SPOCK1: variants seen among roughly 807,000 people sequenced by gnomAD.
SPOCK1 encodes testican-1.
In SPOCK1, 23 loss-of-function variants were observed where a neutral mutation model predicts 55.3. The observed-to-expected ratio is 0.42, with a 90% CI of 0.30 to 0.59. The LOEUF (loss-of-function observed/expected upper bound fraction) is 0.59, where lower values mean the gene tolerates loss of function less well. SPOCK1 is among the 20% of genes least tolerant of loss of function. SPOCK1 has a pLI of 0.22. For synonymous variants in SPOCK1, 226 were observed against 221.0 expected, an observed-to-expected ratio of 1.02 and a Z score of -0.20; for missense variants, 499 against 552.5, an observed-to-expected ratio of 0.90 and a Z score of 0.97.
At chr5:137,321,147 C>T (rs139194530) in intron 2 of SPOCK1, among the ~76,000 whole-genome samples, 48 of 149,496 alleles carry the variant, frequency 3.2e-4, no homozygotes, top group African/African-American at 1.1e-3. Context: ...AGAATCAGCA[C>T]ACTCAGAGAC....
At chr5:137,151,916 G>T (rs1167776385) in intron 3 of SPOCK1, among the ~76,000 whole-genome samples, 1 of 152,062 alleles carries the variant, frequency 6.6e-6, no homozygotes, top group South Asian at 2.1e-4. Flanking sequence ...TTTGGCTGTG[G>T]GTTTATAAAT....
intron 2 of SPOCK1, among the ~76,000 whole-genome samples, chr5:137,377,108 C>T (rs2127173311): frequency 6.6e-6 from 1 of 152,296 alleles, no homozygotes; most frequent in East Asian, 1.9e-4. Flanking sequence ...GATAAGCCCT[C>T]CTCCAATTTT....
intron 2 of SPOCK1, among the ~76,000 whole-genome samples, chr5:137,362,627 C>T (rs939968438): frequency 1.3e-5 from 2 of 152,172 alleles, no homozygotes; most frequent in Admixed American, 6.5e-5. Context: ...CGCGCCCGGC[C>T]AGCAAACTTT....
chr5:137,030,964 C>A (rs1424292070), intron 6 of SPOCK1, among the ~76,000 whole-genome samples: 1 of 152,138 alleles, frequency 6.6e-6, no homozygotes, highest in African/African-American at 2.4e-5. Context: ...CAAGGCACTA[C>A]CTATAAAATC....
At chr5:137,116,691 C>T (rs141774710) in intron 4 of SPOCK1, among the ~76,000 whole-genome samples, 1 of 152,150 alleles carries the variant, frequency 6.6e-6, no homozygotes, top group East Asian at 1.9e-4. Context: ...AGGGCATAGT[C>T]TATACTCCAA....
intron 6 of SPOCK1, among the ~76,000 whole-genome samples, chr5:137,037,702 C>T (rs986956687): frequency 2.6e-5 from 4 of 152,148 alleles, no homozygotes; most frequent in African/African-American, 9.6e-5. Context: ...TCATGGGAGT[C>T]GCTAACCTAA....
chr5:137,087,762 A>G (rs1752984007), intron 5 of SPOCK1, among the ~76,000 whole-genome samples: 1 of 152,240 alleles, frequency 6.6e-6, no homozygotes, highest in South Asian at 2.1e-4. Flanking sequence ...AGGTTTTAGG[A>G]AAGGTTTTCC....
At chr5:137,001,119 A>G (rs1751140935) in intron 6 of SPOCK1, among the ~76,000 whole-genome samples, 1 of 152,222 alleles carries the variant, frequency 6.6e-6, no homozygotes, top group African/African-American at 2.4e-5. Context: ...TTTAATCTTC[A>G]GTTTCCTCAT....
intron 2 of SPOCK1, among the ~76,000 whole-genome samples, chr5:137,460,000 A>G (rs533401730): frequency 1.6e-4 from 25 of 152,332 alleles, no homozygotes; most frequent in African/African-American, 6.0e-4. Context: ...AAACATGTAC[A>G]GTATGGGAAA....
At chr5:137,394,661 T>C (rs1156496962) in intron 2 of SPOCK1, among the ~76,000 whole-genome samples, 5 of 152,210 alleles carry the variant, frequency 3.3e-5, no homozygotes, top group Admixed American at 6.5e-5. Context: ...ATGCAATAAG[T>C]GCTCAATAAA....
intron 2 of SPOCK1, among the ~76,000 whole-genome samples, chr5:137,386,697 TA>T (rs1751605520): frequency 6.6e-6 from 1 of 152,128 alleles, no homozygotes; most frequent in Non-Finnish European, 1.5e-5. Flanking sequence ...TACAAAACTA[TA>T]AAACCCCTAG....
At chr5:137,112,588 T>C (rs1580756693) in intron 4 of SPOCK1, 27 bp from the exon 5 acceptor site, 2 of 1,609,418 alleles carry the variant, frequency 1.2e-6, no homozygotes. Context: ...AGGGGATAAA[T>C]TAGTTGAAGC....
intron 2 of SPOCK1, among the ~76,000 whole-genome samples, chr5:137,267,660 G>A (rs1449013955): frequency 6.6e-6 from 1 of 152,128 alleles, no homozygotes; most frequent in Non-Finnish European, 1.5e-5. Flanking sequence ...CCTGCATTTG[G>A]GTTGCATCAA....
intron 2 of SPOCK1, among the ~76,000 whole-genome samples, chr5:137,269,312 C>G (rs1002534114): frequency 6.6e-6 from 1 of 152,228 alleles, no homozygotes. Context: ...TTCTCTGCAT[C>G]TGATTGCTTT....
intron 3 of SPOCK1, among the ~76,000 whole-genome samples, chr5:137,234,378 G>A (rs1280132661): frequency 1.3e-5 from 2 of 152,130 alleles, no homozygotes; most frequent in South Asian, 2.1e-4. Flanking sequence ...GTTGGGCAAG[G>A]GGAGGATGTA....
At chr5:137,366,731 TAGG>T (rs1416034257) in intron 2 of SPOCK1, among the ~76,000 whole-genome samples, 1 of 152,140 alleles carries the variant, frequency 6.6e-6, no homozygotes. Context: ...AGTGATTAAG[TAGG>T]AGTTTAGTCA....
intron 2 of SPOCK1, among the ~76,000 whole-genome samples, chr5:137,328,491 G>A (rs1322046232): frequency 6.6e-6 from 1 of 152,172 alleles, no homozygotes; most frequent in Admixed American, 6.5e-5. Context: ...AGGCCAGAAG[G>A]GAGTTCACAC....
At chr5:137,419,948 T>C (rs1281347786) in intron 2 of SPOCK1, among the ~76,000 whole-genome samples, 2 of 152,090 alleles carry the variant, frequency 1.3e-5, no homozygotes, top group Non-Finnish European at 2.9e-5. Flanking sequence ...TTGTCATAGA[T>C]AGCTCTTACT....
At chr5:137,073,823 A>G (rs1030186902) in intron 5 of SPOCK1, among the ~76,000 whole-genome samples, 6 of 152,248 alleles carry the variant, frequency 3.9e-5, no homozygotes, top group African/African-American at 1.4e-4. Context: ...AAGTTATTAG[A>G]GAATGAAACA....
Sources: gnomAD v4.1 joint callset for allele counts (sites outside exome capture counted in the v4.1 genomes callset) on GRCh38, gnomAD v4.1.1 for gene constraint, MANE v1.5 for transcripts, NCBI Gene and HGNC (gene_info 2026-07-23, HGNC 2026-07-21) for gene names.